ASB5: variants seen among roughly 807,000 people sequenced by gnomAD.
The protein encoded by ASB5 is ankyrin repeat and SOCS box containing 5.
In ASB5, 45 loss-of-function variants were observed where a neutral mutation model predicts 42.1. That is an observed-to-expected ratio of 1.07 (90% CI 0.84 to 1.37). The LOEUF is 1.37. Ranked by LOEUF, ASB5 falls within the 40% of genes most tolerant of loss-of-function variation. ASB5 has a pLI of 0.00. For missense variants in ASB5, 402 were observed against 399.8 expected, an observed-to-expected ratio of 1.01 and a Z score of -0.05; for synonymous variants, 147 against 150.6, an observed-to-expected ratio of 0.98 and a Z score of 0.18.
At chr4:176,271,721 T>G (rs1016601006), upstream of ASB5, among the ~76,000 whole-genome samples, 5 of 152,162 alleles carry the variant, frequency 3.3e-5, no homozygotes, top group Non-Finnish European at 5.9e-5. Context: ...TGAATTTATT[T>G]CATCTTAGGG....
intron 1 of ASB5, among the ~76,000 whole-genome samples, chr4:176,258,656 G>GT (rs1754201199): frequency 6.6e-6 from 1 of 151,826 alleles, no homozygotes; most frequent in South Asian, 2.1e-4. Flanking sequence ...AAAGTACATA[G>GT]TTTTTTTTCT....
intron 1 of ASB5, among the ~76,000 whole-genome samples, chr4:176,252,924 G>A (rs1754071727): frequency 6.6e-6 from 1 of 152,108 alleles, no homozygotes; most frequent in African/African-American, 2.4e-5. Context: ...ACCTTATGTA[G>A]GGCACAGTTA....
At chr4:176,217,809 T>C (rs1417563802) in intron 5 of ASB5, among the ~76,000 whole-genome samples, 3 of 152,032 alleles carry the variant, frequency 2.0e-5, no homozygotes, top group Non-Finnish European at 4.4e-5. Flanking sequence ...ACGGTTACAA[T>C]ACCAGAAATG....
intron 5 of ASB5, among the ~76,000 whole-genome samples, chr4:176,220,820 C>T (rs942052751): frequency 2.0e-5 from 3 of 152,140 alleles, no homozygotes; most frequent in Non-Finnish European, 4.4e-5. Flanking sequence ...TACTTGGCAA[C>T]ATCATATTCA....
chr4:176,237,071 A>G (rs1240803777), intron 1 of ASB5, among the ~76,000 whole-genome samples: 1 of 152,202 alleles, frequency 6.6e-6, no homozygotes, highest in Non-Finnish European at 1.5e-5. Context: ...AGAGTCTAAG[A>G]GTTTGCAGTC....
intron 1 of ASB5, among the ~76,000 whole-genome samples, chr4:176,257,889 A>G (rs1351864631): frequency 6.6e-6 from 1 of 152,216 alleles, no homozygotes; most frequent in Non-Finnish European, 1.5e-5. Context: ...GAATTGTTAC[A>G]TTGGCAGATA....
At chr4:176,227,165 G>C (rs1355930728) in intron 1 of ASB5, among the ~76,000 whole-genome samples, 1 of 152,164 alleles carries the variant, frequency 6.6e-6, no homozygotes, top group African/African-American at 2.4e-5. Flanking sequence ...ATTTCATCTA[G>C]ATTTCATTTC....
chr4:176,272,585 G>A (rs953851871), upstream of ASB5, among the ~76,000 whole-genome samples: 1 of 151,960 alleles, frequency 6.6e-6, no homozygotes, highest in South Asian at 2.1e-4. Flanking sequence ...CTGTACAGCC[G>A]ACCCCTAGGA....
Position 176,219,584 on chromosome 4 carries a change from ATATATATATATATATATATATAT to A in ASB5, c.670+1548_670+1570del, listed in dbSNP as rs1753135109. On this transcript the variant is annotated intron_variant, in intron 5 of 6. Transcript: ENST00000296525. ...ATGTATATATTTGTATGATATATAT[ATATATATATATATATATATATAT>A]ATATATATATAGGCTGGAGTACAGT... Among the ~76,000 whole-genome samples, 23 of 49,032 alleles carry A rather than the reference ATATATATATATATATATATATAT, an allele frequency of 4.7e-4. 2 individuals are homozygous for A. In the East Asian group the frequency reaches 9.7e-3, roughly 21 times the overall value. The allele number at this position is 49,032 out of a possible 152,430, so 32.2% of individuals were successfully genotyped here. A position where few individuals can be genotyped will look rare whatever the true frequency, so the allele number is the denominator to read the frequency against.
chr4:176,272,392 T>G (rs575685227), upstream of ASB5, among the ~76,000 whole-genome samples: 1 of 152,302 alleles, frequency 6.6e-6, no homozygotes, highest in East Asian at 1.9e-4. Context: ...CAGAAGAAGT[T>G]CACTGATGAC....
At chr4:176,219,773 G>T (rs1303421394) in intron 5 of ASB5, among the ~76,000 whole-genome samples, 1 of 150,884 alleles carries the variant, frequency 6.6e-6, no homozygotes, top group Non-Finnish European at 1.5e-5. Flanking sequence ...CACTATGTTG[G>T]CCAGGCTGGT....
chr4:176,268,556 A>G (rs180821360), intron 1 of ASB5, among the ~76,000 whole-genome samples: 72 of 152,280 alleles, frequency 4.7e-4, no homozygotes, highest in African/African-American at 1.7e-3. Flanking sequence ...CTGAAGTGCA[A>G]TCAATTACTT....
chr4:176,274,909 A>ATT (rs35690692), intron 2 of ASB5, among the ~76,000 whole-genome samples: 1,413 of 106,302 alleles, frequency 0.013, 16 homozygotes, highest in Middle Eastern at 0.052. Flanking sequence ...CAGCATAGCA[A>ATT]TTTTTTTTTT....
chr4:176,225,174 G>T, intron 2 of ASB5, 88 bp downstream of exon 2: 1 of 1,024,134 alleles, frequency 9.8e-7, no homozygotes, highest in Middle Eastern at 2.1e-4. Flanking sequence ...AAATGTAAGT[G>T]GTTTTATCAT....
At chr4:176,232,356 T>C (rs1371249518) in intron 1 of ASB5, among the ~76,000 whole-genome samples, 1 of 152,028 alleles carries the variant, frequency 6.6e-6, no homozygotes, top group Non-Finnish European at 1.5e-5. Context: ...ACTCCTGACC[T>C]CAGATGATCC....
chr4:176,238,334 A>C (rs1753737581), intron 1 of ASB5, among the ~76,000 whole-genome samples: 1 of 152,202 alleles, frequency 6.6e-6, no homozygotes, highest in Admixed American at 6.5e-5. Flanking sequence ...ATATAGGCAC[A>C]GCTCACTATT....
chr4:176,252,386 T>C (rs1437976822), intron 1 of ASB5, among the ~76,000 whole-genome samples: 1 of 152,214 alleles, frequency 6.6e-6, no homozygotes, highest in African/African-American at 2.4e-5. Context: ...CATCCTGCAT[T>C]GAAAAGGGTA....
chr4:176,219,603 T>A lies in ASB5; in HGVS notation c.670+1552A>T, dbSNP rs1468346773. Among the ~76,000 whole-genome samples the A allele has an allele frequency of 3.0e-4, 36 of 121,662 alleles. 4 individuals are homozygous for A. The highest frequency in any genetic ancestry group is 5.1e-4 in the Non-Finnish European group (30 of 58,880). The allele number at this position is 121,662 out of a possible 152,430, so 79.8% of individuals were successfully genotyped here. A position where few individuals can be genotyped will look rare whatever the true frequency, so the allele number is the denominator to read the frequency against. On this transcript the variant is annotated intron_variant, in intron 5 of 6. Coordinates refer to ENST00000296525, the MANE Select transcript of ASB5 (RefSeq NM_080874.4). Reference sequence around the variant, plus strand: ...ATATATATATATATATATATATATATATATATATATATATAGGCTGGAGTA... The same window carrying A: ...ATATATATATATATATATATATATAAATATATATATATATAGGCTGGAGTA...
rs187909179 is a variant in ASB5, at chr4:176,240,672, C to T, written c.197-15331G>A. 1.4e-4 allele frequency among the ~76,000 whole-genome samples: 21 copies of T among 152,236 alleles called. No individual in the cohort carries two copies. In the East Asian group the frequency reaches 3.9e-3, roughly 28 times the overall value. The stretch of plus-strand genomic sequence containing the variant: ...CTGAAAAACAAGAAAGCAAGATCAC[C>T]TTCTGACAATTTTTAAAGCTAAAAA... On this transcript the variant is annotated intron_variant, in intron 1 of 6. Coordinates refer to ENST00000296525, the MANE Select transcript of ASB5 (RefSeq NM_080874.4).
Sources: allele counts gnomAD v4.1 joint callset (sites outside exome capture counted in the v4.1 genomes callset), GRCh38; gene constraint gnomAD v4.1.1; transcripts MANE v1.5; gene names NCBI Gene and HGNC (gene_info 2026-07-23, HGNC 2026-07-21).